The following RPAP2 variants were observed in gnomAD, a reference collection of about 807,000 sequenced individuals.
RPAP2 encodes putative RNA polymerase II subunit B1 CTD phosphatase RPAP2.
RPAP2 carries 52 observed loss-of-function variants against 73.1 expected under a neutral mutation model. The ratio of observed to expected loss-of-function variants is 0.71; its 90% CI spans 0.57 to 0.90. RPAP2 has a LOEUF of 0.90. RPAP2 is among the 40% of genes least tolerant of loss of function. RPAP2 has a pLI of 0.00. For synonymous variants in RPAP2, 225 were observed against 242.1 expected, an observed-to-expected ratio of 0.93 and a Z score of 0.65; for missense variants, 598 against 701.8, an observed-to-expected ratio of 0.85 and a Z score of 1.67.
At chr1:92,323,370 C>G in intron 7 of RPAP2, 75 bp from the exon 8 acceptor site, 1 of 1,081,522 alleles carries the variant, frequency 9.2e-7, no homozygotes, top group Non-Finnish European at 1.3e-6. Context: ...CTATGGGGTA[C>G]TTTACTTTTC....
intron 11 of RPAP2, among the ~76,000 whole-genome samples, chr1:92,355,013 C>G (rs1253460615): frequency 1.3e-5 from 2 of 151,756 alleles, no homozygotes; most frequent in Non-Finnish European, 2.9e-5. Context: ...ATCGTCCCAC[C>G]TCAACCTCCC....
At chr1:92,322,007 G>A (rs181963285) in intron 7 of RPAP2, among the ~76,000 whole-genome samples, 68 of 145,312 alleles carry the variant, frequency 4.7e-4, no homozygotes, top group Middle Eastern at 3.4e-3. Flanking sequence ...ATGCAGTGGC[G>A]CGATCTCGGC....
At chr1:92,320,913 T>C (rs932034379) in intron 7 of RPAP2, among the ~76,000 whole-genome samples, 3 of 152,232 alleles carry the variant, frequency 2.0e-5, no homozygotes, top group Non-Finnish European at 4.4e-5. Context: ...CCATCTCAGA[T>C]ACCATGCTTC....
chr1:92,356,105 T>C (rs557074079), intron 11 of RPAP2, among the ~76,000 whole-genome samples: 24 of 152,240 alleles, frequency 1.6e-4, no homozygotes, highest in African/African-American at 5.8e-4. Context: ...GGGCCTTTTT[T>C]TCCTCATCCA....
intron 11 of RPAP2, among the ~76,000 whole-genome samples, chr1:92,375,478 T>G (rs960315891): frequency 1.3e-5 from 2 of 152,150 alleles, no homozygotes; most frequent in African/African-American, 4.8e-5. Flanking sequence ...GTGGACTGCC[T>G]GAGCTCAGGA....
In RPAP2 at chr1:92,348,418, A is replaced by G. The variant is rs148334744; in HGVS notation, c.1688+2504A>G. Among the ~76,000 whole-genome samples, 399 of 152,202 alleles carry G rather than the reference A, an allele frequency of 2.6e-3. 4 individuals carry two copies. Among genetic ancestry groups the G allele is most frequent in the African/African-American group, 8.9e-3 (370 of 41,530 alleles). Reference sequence around the variant, plus strand: ...GACACCAAGACAAGTGGTGTTTCCTAGGTTTTTGCCTTTGAAATCTTGTTT... The same window carrying G: ...GACACCAAGACAAGTGGTGTTTCCTGGGTTTTTGCCTTTGAAATCTTGTTT... On this transcript the variant is annotated intron_variant, in intron 11 of 12. Coordinates refer to ENST00000610020, the MANE Select transcript of RPAP2 (RefSeq NM_024813.3).
chr1:92,347,310 T>C (rs939149161), intron 11 of RPAP2, among the ~76,000 whole-genome samples: 1 of 152,190 alleles, frequency 6.6e-6, no homozygotes, highest in Non-Finnish European at 1.5e-5. Flanking sequence ...TGTAAATATT[T>C]TGGTCACTGG....
intron 8 of RPAP2, chr1:92,333,156 CCCAA>C: frequency 2.2e-6 from 1 of 450,264 alleles, no homozygotes; most frequent in South Asian, 4.5e-5. Flanking sequence ...GTATTAATAT[CCCAA>C]TTATAAAGAT....
chr1:92,300,381 TA>T (rs1650741151), intron 2 of RPAP2, 142 bp downstream of exon 2: 1 of 670,090 alleles, frequency 1.5e-6, no homozygotes, highest in South Asian at 1.9e-5. Flanking sequence ...GGAAGGCCTA[TA>T]AATTCTCACA....
Position 92,382,893 on chromosome 1 carries a change from T to C in RPAP2, c.1838+2020T>C, listed in dbSNP as rs573703636. Among the ~76,000 whole-genome samples the C allele has an allele frequency of 2.5e-4, 38 of 152,270 alleles. 1 individual carries two copies. The highest frequency in any genetic ancestry group is 1.4e-3 in the Admixed American group (21 of 15,300). ...CCTAGGTTTTCTTCTAGGGTTTTTA[T>C]GGTTTTAGGTCTAACATGTAAGTCT... On this transcript the variant is annotated intron_variant, in intron 12 of 12. Transcript: ENST00000610020.
At chr1:92,314,732 G>T (rs1651807526) in intron 6 of RPAP2, among the ~76,000 whole-genome samples, 2 of 140,284 alleles carry the variant, frequency 1.4e-5, no homozygotes, top group African/African-American at 5.4e-5. Flanking sequence ...AACAGAGTGA[G>T]ACTCCATCTC....
chr1:92,338,527 T>C (rs940533996), intron 10 of RPAP2, among the ~76,000 whole-genome samples: 1 of 152,060 alleles, frequency 6.6e-6, no homozygotes, highest in Admixed American at 6.5e-5. Context: ...TAGATATACA[T>C]AGTATGGAAA....
chr1:92,302,589 A>ATT (rs1557586485), intron 3 of RPAP2, among the ~76,000 whole-genome samples: 4 of 92,302 alleles, frequency 4.3e-5, no homozygotes, highest in African/African-American at 7.3e-5. Context: ...TTCCGCATTA[A>ATT]ATTTTTTTTT....
intron 11 of RPAP2, among the ~76,000 whole-genome samples, chr1:92,347,939 T>G (rs967754244): frequency 6.6e-6 from 1 of 152,136 alleles, no homozygotes; most frequent in Non-Finnish European, 1.5e-5. Context: ...AGATGGAGTC[T>G]CGCTCTGTTG....
chr1:92,330,833 T>C (rs902209045), intron 8 of RPAP2, among the ~76,000 whole-genome samples: 3 of 152,202 alleles, frequency 2.0e-5, no homozygotes, highest in Non-Finnish European at 2.9e-5. Context: ...GTGCTTACTA[T>C]ACAATGTGTG....
intron 11 of RPAP2, among the ~76,000 whole-genome samples, chr1:92,365,519 C>T (rs1308761149): frequency 1.3e-5 from 2 of 152,178 alleles, no homozygotes; most frequent in South Asian, 4.1e-4. Context: ...GAACCACTGT[C>T]TTAATTCTAG....
chr1:92,309,564 CA>C (rs1275483361), intron 6 of RPAP2, among the ~76,000 whole-genome samples: 34 of 24,090 alleles, frequency 1.4e-3, no homozygotes, highest in Non-Finnish European at 5.3e-4. Context: ...TACACATACA[CA>C]TACACATATA....
At chr1:92,333,207 A>G (rs1025572750) in intron 8 of RPAP2, 184 bp from the exon 9 acceptor site, 8 of 548,824 alleles carry the variant, frequency 1.5e-5, no homozygotes, top group Non-Finnish European at 2.6e-5. Context: ...AAATGACTCA[A>G]AGAAGTTCAC....
intron 8 of RPAP2, among the ~76,000 whole-genome samples, chr1:92,329,354 A>G (rs1652829500): frequency 6.6e-6 from 1 of 152,176 alleles, no homozygotes; most frequent in Admixed American, 6.5e-5. Flanking sequence ...TGCATCACAC[A>G]GGTCACTAGG....
Sources: allele counts gnomAD v4.1 joint callset (sites outside exome capture counted in the v4.1 genomes callset), GRCh38; gene constraint gnomAD v4.1.1; transcripts MANE v1.5; gene names NCBI Gene and HGNC (gene_info 2026-07-23, HGNC 2026-07-21).